The following CYP2C18 variants were observed in gnomAD, a reference collection of about 807,000 sequenced individuals.
CYP2C18 encodes cytochrome P450 2C18.
Under a neutral mutation model 41.3 loss-of-function variants are expected in CYP2C18, and 38 were observed. The observed-to-expected ratio is 0.92, with a 90% CI of 0.71 to 1.21. The LOEUF is 1.21. Ranked by LOEUF, CYP2C18 falls within the 50% of genes most tolerant of loss-of-function variation. The pLI, the probability that CYP2C18 is intolerant of heterozygous loss-of-function variation, is 0.00. For synonymous variants in CYP2C18, 236 were observed against 210.0 expected (o/e 1.12, Z -1.07); for missense variants, 635 against 591.4 (o/e 1.07, Z -0.77).
intron 4 of CYP2C18, among the ~76,000 whole-genome samples, chr10:94,699,949 C>T (rs1366966168): frequency 3.9e-5 from 6 of 152,040 alleles, no homozygotes; most frequent in East Asian, 3.9e-4. Flanking sequence ...CAAGGAGAAC[C>T]AGAAACCACT....
At chr10:94,719,904 G>T (rs1045277633) in intron 5 of CYP2C18, among the ~76,000 whole-genome samples, 8 of 151,324 alleles carry the variant, frequency 5.3e-5, no homozygotes, top group Non-Finnish European at 1.2e-4. Flanking sequence ...AGAGACAGGG[G>T]GTCTCACTTG....
chr10:94,724,159 T>C (rs1429875590), intron 6 of CYP2C18, among the ~76,000 whole-genome samples, 187 bp from the exon 7 acceptor site: 2 of 151,916 alleles, frequency 1.3e-5, no homozygotes, highest in African/African-American at 4.8e-5. Flanking sequence ...ATCTTAATAC[T>C]TAGCTTGTAG....
chr10:94,728,477 G>T (rs1355947248), intron 7 of CYP2C18: 1 of 163,952 alleles, frequency 6.1e-6, no homozygotes, highest in Non-Finnish European at 1.3e-5. Context: ...GATGATCCTT[G>T]CCCGAATCTA....
chr10:94,705,871 T>A (rs1847334014), intron 4 of CYP2C18, among the ~76,000 whole-genome samples: 1 of 152,036 alleles, frequency 6.6e-6, no homozygotes, highest in South Asian at 2.1e-4. Context: ...TAGCTGGTGG[T>A]TTTTCCCACC....
At chr10:94,685,792 A>G (rs1299922456) in intron 1 of CYP2C18, among the ~76,000 whole-genome samples, 2 of 152,106 alleles carry the variant, frequency 1.3e-5, no homozygotes, top group South Asian at 2.1e-4. Context: ...TTTGCTTACT[A>G]TAGCTTTGTA....
intron 7 of CYP2C18, among the ~76,000 whole-genome samples, chr10:94,731,122 C>T (rs1009033693): frequency 3.9e-5 from 6 of 152,034 alleles, no homozygotes; most frequent in Non-Finnish European, 8.8e-5. Flanking sequence ...GGCTCATGCC[C>T]ATAATCCCAG....
rs148048948 is a variant in CYP2C18 at position 94,733,442 on chromosome 10, A to G, written c.1291+4A>G. The G allele has an allele frequency of 1.9e-6, 3 of 1,612,928 alleles. No individual in the cohort carries two copies. Among genetic ancestry groups the G allele is most frequent in the African/African-American group, 1.3e-5 (1 of 74,952 alleles). ...TACTTCATGCCTTTCTCAGCAGGTA[A>G]TAGATATTCATTTCCATCTGTCCTT... On this transcript the variant is annotated splice_donor_region_variant and intron_variant, in intron 8 of 8. Coordinates refer to ENST00000285979, the MANE Select transcript of CYP2C18 (RefSeq NM_000772.3).
intron 3 of CYP2C18, among the ~76,000 whole-genome samples, chr10:94,692,652 C>T (rs1847026559): frequency 6.7e-6 from 1 of 150,294 alleles, no homozygotes; most frequent in East Asian, 2.1e-4. Flanking sequence ...GCCATATGAC[C>T]CAGCCATCCC....
intron 5 of CYP2C18, among the ~76,000 whole-genome samples, chr10:94,712,086 G>A (rs1444142887): frequency 7.0e-6 from 1 of 143,328 alleles, no homozygotes; most frequent in Non-Finnish European, 1.5e-5. Flanking sequence ...GGGCTCAAGC[G>A]ATCCTCCCAT....
At chr10:94,717,441 A>T (rs745621447) in intron 5 of CYP2C18, among the ~76,000 whole-genome samples, 1 of 152,086 alleles carries the variant, frequency 6.6e-6, no homozygotes, top group Non-Finnish European at 1.5e-5. Flanking sequence ...TCACTTATGA[A>T]GTTTAGTTTG....
intron 4 of CYP2C18, 72 bp downstream of exon 4, chr10:94,695,149 T>A (rs1475370069): frequency 7.3e-7 from 1 of 1,368,026 alleles, no homozygotes; most frequent in East Asian, 2.5e-5. Context: ...TTTTTTAATT[T>A]TTTAAAATTA....
intron 5 of CYP2C18, among the ~76,000 whole-genome samples, chr10:94,715,710 GA>G (rs1298364480): frequency 1.3e-5 from 2 of 152,276 alleles, no homozygotes; most frequent in East Asian, 1.9e-4. Flanking sequence ...ATGCATTAGG[GA>G]GGATTCCCTC....
At position 94,694,986 on chromosome 10, in the gene CYP2C18, AT is replaced by A. The variant is rs750192128; in HGVS notation, c.552del (p.His184GlnfsTer14). 1 of 1,613,170 alleles carries A rather than the reference AT, an allele frequency of 6.2e-7. No homozygotes were observed. The highest frequency in any genetic ancestry group is 2.2e-5 in the East Asian group (1 of 44,836). ...PCNVICSVIF[H>X]DRFDYKDQRF... is the part of the protein sequence containing the mutation. ...AATGTGATCTGCTCTGTTATTTTCC[AT>A]GATCGATTTGATTATAAAGATCAGA... On this transcript the variant is annotated frameshift_variant, in exon 4 of 9. Transcript: ENST00000285979. LOFTEE classifies it high-confidence loss of function.
intron 3 of CYP2C18, among the ~76,000 whole-genome samples, chr10:94,689,379 A>G (rs1846955894): frequency 6.6e-6 from 1 of 152,090 alleles, no homozygotes; most frequent in Non-Finnish European, 1.5e-5. Flanking sequence ...TGAAATCTTC[A>G]ACATCTTGGG....
intron 1 of CYP2C18, among the ~76,000 whole-genome samples, chr10:94,684,369 G>A (rs907911644): frequency 6.6e-6 from 1 of 152,098 alleles, no homozygotes; most frequent in Admixed American, 6.6e-5. Context: ...CCACCTGCCA[G>A]CCTCTGGTAG....
At chr10:94,723,011 T>C (rs1294613225) in intron 6 of CYP2C18, among the ~76,000 whole-genome samples, 2 of 152,132 alleles carry the variant, frequency 1.3e-5, no homozygotes, top group Non-Finnish European at 2.9e-5. Context: ...TGGGGAATTT[T>C]AGAACATCAG....
intron 3 of CYP2C18, among the ~76,000 whole-genome samples, chr10:94,692,762 G>A (rs1322517137): frequency 6.6e-6 from 1 of 152,072 alleles, no homozygotes; most frequent in East Asian, 1.9e-4. Flanking sequence ...CAAAGACTTG[G>A]AACCAACCCA....
intron 1 of CYP2C18, among the ~76,000 whole-genome samples, chr10:94,684,624 A>G (rs1846850505): frequency 6.6e-6 from 1 of 152,194 alleles, no homozygotes; most frequent in South Asian, 2.1e-4. Flanking sequence ...GGTTGTTTCC[A>G]TATCTTGGCT....
chr10:94,712,324 C>G (rs1303737285), intron 5 of CYP2C18, among the ~76,000 whole-genome samples: 1 of 151,858 alleles, frequency 6.6e-6, no homozygotes, highest in Non-Finnish European at 1.5e-5. Context: ...GCTTTATACC[C>G]TTTGACTATC....
Sources: allele counts gnomAD v4.1 joint callset (sites outside exome capture counted in the v4.1 genomes callset), GRCh38; gene constraint gnomAD v4.1.1; transcripts MANE v1.5; gene names NCBI Gene and HGNC (gene_info 2026-07-23, HGNC 2026-07-21).